The following PIK3R2 variants were observed in gnomAD, a reference collection of about 807,000 sequenced individuals.
PIK3R2 encodes phosphoinositide-3-kinase regulatory subunit 2.
PIK3R2 carries 40 observed loss-of-function variants against 78.5 expected under a neutral mutation model. That is an observed-to-expected ratio of 0.51 (90% CI 0.40 to 0.66). The LOEUF (loss-of-function observed/expected upper bound fraction) is 0.66, where lower values mean the gene tolerates loss of function less well. Among genes scored for constraint, PIK3R2 ranks in the 30% least tolerant of loss-of-function variants. PIK3R2 has a pLI of 0.00. For missense variants in PIK3R2, 880 were observed against 1,026.6 expected (o/e 0.86, Z 1.95); for synonymous variants, 473 against 457.7 (o/e 1.03, Z -0.43).
At position 18,161,875 on chromosome 19, in the gene PIK3R2, C is replaced by T; in HGVS notation, c.816-91C>T. 1.9e-6 allele frequency: 2 copies of T among 1,053,234 alleles called. No individual in the cohort carries two copies. The highest frequency in any genetic ancestry group is 2.4e-5 in the East Asian group (1 of 41,602). The allele number at this position is 1,053,234 out of a possible 1,614,324, so 65.2% of individuals were successfully genotyped here. A position where few individuals can be genotyped will look rare whatever the true frequency, so the allele number is the denominator to read the frequency against. ...CCTGCACATACTGTCTCGTATATAC[C>T]CCCAGGCGTGCAAGCGCACGCACAA... is the stretch of plus-strand genomic sequence containing the variant. On this transcript the variant is annotated intron_variant, in intron 6 of 15. Coordinates refer to ENST00000222254, the MANE Select transcript of PIK3R2 (RefSeq NM_005027.4). The surrounding 1 kb of genome is among the most constrained non-coding windows in gnomAD (Gnocchi z 5.3).
chr19:18,160,127 T>A (rs1020836349), intron 2 of PIK3R2, among the ~76,000 whole-genome samples: 2 of 152,214 alleles, frequency 1.3e-5, no homozygotes, highest in African/African-American at 4.8e-5. Flanking sequence ...TTGCTTTCCT[T>A]ACACCTGCAA....
At chr19:18,155,096 G>A (rs1293544478) in intron 1 of PIK3R2, among the ~76,000 whole-genome samples, 2 of 151,474 alleles carry the variant, frequency 1.3e-5, no homozygotes, top group Non-Finnish European at 2.9e-5. Flanking sequence ...CTACTCGGGA[G>A]GCTGAGGCAG....
At chr19:18,165,022 G>C (rs1001167635) in intron 11 of PIK3R2, among the ~76,000 whole-genome samples, 1 of 148,352 alleles carries the variant, frequency 6.7e-6, no homozygotes, top group Admixed American at 6.8e-5. Flanking sequence ...GAGGTCAGGA[G>C]TTTGAGACCA....
chr19:18,158,019 C>A (rs1385592590), intron 2 of PIK3R2, among the ~76,000 whole-genome samples: 1 of 152,198 alleles, frequency 6.6e-6, no homozygotes, highest in Non-Finnish European at 1.5e-5. Context: ...TCAGCTTTTC[C>A]AAAAGGGGAG....
chr19:18,165,184 A>G (rs1433171662), intron 11 of PIK3R2, among the ~76,000 whole-genome samples: 1 of 147,914 alleles, frequency 6.8e-6, no homozygotes, highest in Admixed American at 6.8e-5. Flanking sequence ...TCTGGCCAAC[A>G]TGGTGAATCC....
At chr19:18,166,627 C>T (rs2043813369) in intron 12 of PIK3R2, among the ~76,000 whole-genome samples, 1 of 149,414 alleles carries the variant, frequency 6.7e-6, no homozygotes, top group Admixed American at 6.8e-5. Flanking sequence ...AGGAGAATCG[C>T]TTGAACCTGG....
At position 18,156,248 on chromosome 19, in the gene PIK3R2, C is replaced by A; in HGVS notation, c.322+47C>A. On this transcript the variant is annotated intron_variant, in intron 2 of 15. Transcript: ENST00000222254. This position sits in a 1 kb window ranked among gnomAD's most constrained non-coding sequence, Gnocchi z 4.2. ...TGGAAAGGGGGGTGGTCCCCTCAGA[C>A]CCTTGGTCTCCTCTTCTGTCCAGTG... 7.4e-7 allele frequency: 1 copy of A among 1,348,950 alleles called. No homozygotes were observed. The highest frequency in any genetic ancestry group is 9.8e-7 in the Non-Finnish European group (1 of 1,015,356). The allele number at this position is 1,348,950 out of a possible 1,614,324, so 83.6% of individuals were successfully genotyped here.
Position 18,162,388 on chromosome 19 carries a change from A to T in PIK3R2, c.1011-20A>T, listed in dbSNP as rs1159313458. 6.2e-7 allele frequency: 1 copy of T among 1,611,256 alleles called. No homozygotes were observed. The highest frequency in any genetic ancestry group is 1.1e-5 in the South Asian group (1 of 91,046). On this transcript the variant is annotated intron_variant, in intron 8 of 15. Coordinates refer to ENST00000222254, the MANE Select transcript of PIK3R2 (RefSeq NM_005027.4). ...GGTCTCCAGGTGGCTCGGCAGTCCC[A>T]ATGTTGGATGTTCCCACAGGGAGGA...
intron 11 of PIK3R2, among the ~76,000 whole-genome samples, chr19:18,164,152 A>C (rs2147954521): frequency 6.6e-6 from 1 of 152,260 alleles, no homozygotes; most frequent in Admixed American, 6.5e-5. Flanking sequence ...TTAAAATAAA[A>C]AAATAAGTGT....
At chr19:18,160,830 A>G in intron 3 of PIK3R2, 89 bp from the exon 4 acceptor site, 2 of 1,327,622 alleles carry the variant, frequency 1.5e-6, no homozygotes, top group Non-Finnish European at 2.1e-6. Flanking sequence ...CAGCAAAGGG[A>G]GACTGCAGGG....
chr19:18,164,390 C>G (rs190204004), intron 11 of PIK3R2, among the ~76,000 whole-genome samples: 2 of 152,184 alleles, frequency 1.3e-5, no homozygotes, highest in East Asian at 3.9e-4. Context: ...ACCTCTAATC[C>G]CAGCTACTCG....
rs187226614 is a variant in PIK3R2, at chr19:18,156,795, C to T, written c.322+594C>T. Among the ~76,000 whole-genome samples, 439 of 152,258 alleles carry T rather than the reference C, an allele frequency of 2.9e-3. 2 individuals carry two copies. Among genetic ancestry groups the T allele is most frequent in the African/African-American group, 9.2e-3 (384 of 41,546 alleles). ...CAGTGGGATATGAGGACCCCACATC[C>T]CTCTTCAAAGACCCTTGGCCATCAC... On this transcript the variant is annotated intron_variant, in intron 2 of 15. Coordinates refer to ENST00000222254, the MANE Select transcript of PIK3R2 (RefSeq NM_005027.4). The surrounding 1 kb of genome is among the most constrained non-coding windows in gnomAD (Gnocchi z 4.2).
chr19:18,154,672 A>G (rs1224759933), intron 1 of PIK3R2, among the ~76,000 whole-genome samples: 1 of 152,068 alleles, frequency 6.6e-6, no homozygotes, highest in Non-Finnish European at 1.5e-5. Flanking sequence ...CAACTGGGCC[A>G]AGTCGGCAGA....
chr19:18,162,039 G>A lies in PIK3R2; in HGVS notation c.889G>A (p.Val297Ile), dbSNP rs767402281. The change falls in exon 7 of 16, where the codon GTT becomes ATT. Residue 297 changes from valine to isoleucine, a missense_variant. Transcript: ENST00000222254. ...TCAGGAACACTTGGAAGAGCAGGAG[G>A]TTGCGCCCCCAGGTGAGTCCCCTGT... is the stretch of plus-strand genomic sequence containing the variant. Reference protein sequence around the residue: ...LLQEHLEEQEVAPPALPPKPP... With the variant: ...LLQEHLEEQEIAPPALPPKPP... 1 of 1,613,870 alleles carries A rather than the reference G, an allele frequency of 6.2e-7. No homozygotes were observed. Among genetic ancestry groups the A allele is most frequent in the Non-Finnish European group, 8.5e-7 (1 of 1,179,932 alleles).
In PIK3R2 at chr19:18,160,459, T is replaced by C. The variant is rs762618774; in HGVS notation, c.323-12T>C. The C allele has an allele frequency of 1.3e-6, 2 of 1,562,098 alleles. No individual in the cohort carries two copies. The highest frequency in any genetic ancestry group is 1.8e-6 in the Non-Finnish European group (2 of 1,132,788). ...CCCCACCAACATGCAACCCCCCTGT[T>C]TCCCCCACCAGGCCTCACACTCCCC... On this transcript the variant is annotated splice_polypyrimidine_tract_variant and intron_variant, in intron 2 of 15. Transcript: ENST00000222254.
In PIK3R2 at chr19:18,163,132, G is replaced by A. The variant is rs2147953358; in HGVS notation, c.1275G>A (p.Val425=). The change falls in exon 10 of 16, where the codon GTG becomes GTA. Residue 425 remains valine (V), a synonymous_variant. Transcript: ENST00000222254. ...AKLDTRLLYP[V]SKYQQDQIVK... ...TGGACACACGGCTCCTCTACCCTGT[G>A]TCCAAATACCAGCAGGTCCGTGCTG... The A allele has an allele frequency of 1.2e-6, 2 of 1,614,044 alleles. No individual in the cohort carries two copies. The highest frequency in any genetic ancestry group is 8.5e-7 in the Non-Finnish European group (1 of 1,179,986).
At chr19:18,160,043 T>G (rs2043724771) in intron 2 of PIK3R2, among the ~76,000 whole-genome samples, 1 of 152,248 alleles carries the variant, frequency 6.6e-6, no homozygotes, top group East Asian at 1.9e-4. Flanking sequence ...TGGCCGGCTT[T>G]CTCTTGTTAC....
chr19:18,160,281 A>G (rs1405035143), intron 2 of PIK3R2, among the ~76,000 whole-genome samples, 190 bp from the exon 3 acceptor site: 1 of 152,200 alleles, frequency 6.6e-6, no homozygotes, highest in Non-Finnish European at 1.5e-5. Context: ...TGTCCCATCA[A>G]TTCTGCCCTT....
chr19:18,169,514 T>A lies in PIK3R2; in HGVS notation c.*220T>A. 2.9e-6 allele frequency: 1 copy of A among 340,054 alleles called. No individual in the cohort carries two copies. Among genetic ancestry groups the A allele is most frequent in the Non-Finnish European group, 5.3e-6 (1 of 187,212 alleles). The allele number at this position is 340,054 out of a possible 1,614,324, so 21.1% of individuals were successfully genotyped here. A position where few individuals can be genotyped will look rare whatever the true frequency, so the allele number is the denominator to read the frequency against. The stretch of plus-strand genomic sequence containing the variant: ...TTCTCTGTCTTTCTTGGCCCCTGTC[T>A]CTCTCCATGTTGGGGGTCCTAACTC... On this transcript the variant is annotated 3_prime_UTR_variant, in exon 16 of 16. Coordinates refer to ENST00000222254, the MANE Select transcript of PIK3R2 (RefSeq NM_005027.4).
Sources: gnomAD v4.1 joint callset for allele counts (sites outside exome capture counted in the v4.1 genomes callset) on GRCh38, gnomAD v4.1.1 for gene constraint, Gnocchi (gnomAD v3.1) non-coding constraint, MANE v1.5 for transcripts, NCBI Gene and HGNC (gene_info 2026-07-23, HGNC 2026-07-21) for gene names.